AGMO: variants seen among roughly 807,000 people sequenced by gnomAD.
AGMO encodes glyceryl-ether monooxygenase.
Under a neutral mutation model 60.2 loss-of-function variants are expected in AGMO, and 75 were observed. The observed-to-expected ratio is 1.25, with a 90% CI of 1.03 to 1.51. The LOEUF is 1.51. Ranked by LOEUF, AGMO falls within the 40% of genes most tolerant of loss-of-function variation. The probability of loss-of-function intolerance (pLI) is 0.00; values close to 1 mark genes in which losing one functional copy is unlikely to be tolerated. For missense variants in AGMO, 763 were observed against 525.5 expected (o/e 1.45, Z -4.42); for synonymous variants, 261 against 177.1 (o/e 1.47, Z -3.76).
chr7:15,423,617 G>C (rs1335718165), intron 4 of AGMO, among the ~76,000 whole-genome samples: 1 of 152,196 alleles, frequency 6.6e-6, no homozygotes, highest in African/African-American at 2.4e-5. Context: ...AGGTAATCAA[G>C]TTAAAATGAG....
Position 15,234,172 on chromosome 7 carries a change from G to A in AGMO, c.1264-32813C>T, listed in dbSNP as rs748825513. Among the ~76,000 whole-genome samples, 184 of 152,126 alleles carry A rather than the reference G, an allele frequency of 1.2e-3. 1 individual carries two copies. The highest frequency in any genetic ancestry group is 5.0e-4 in the Non-Finnish European group (34 of 68,028). On this transcript the variant is annotated intron_variant, in intron 12 of 12. Transcript: ENST00000342526. The stretch of plus-strand genomic sequence containing the variant: ...TTAAATATAGTCCTTCCATCCACTT[G>A]CTTTCTGACCACAAGTAAATTTATG...
At chr7:15,197,367 T>C (rs1475785398), downstream of AGMO, among the ~76,000 whole-genome samples, 2 of 152,150 alleles carry the variant, frequency 1.3e-5, no homozygotes, top group Non-Finnish European at 2.9e-5. Context: ...ATATAATCAC[T>C]AGTAAAAATG....
At chr7:15,436,700 C>G (rs1781413446) in intron 3 of AGMO, among the ~76,000 whole-genome samples, 1 of 152,038 alleles carries the variant, frequency 6.6e-6, no homozygotes, top group Non-Finnish European at 1.5e-5. Context: ...ACATGTTTCT[C>G]ATTGTTCTCT....
intron 12 of AGMO, among the ~76,000 whole-genome samples, chr7:15,327,946 A>AAT (rs1781394650): frequency 6.7e-6 from 1 of 148,156 alleles, no homozygotes; most frequent in Non-Finnish European, 1.5e-5. Flanking sequence ...AAAAAAAAAA[A>AAT]TTTTTTTTTG....
downstream of AGMO, among the ~76,000 whole-genome samples, chr7:15,197,837 C>T (rs2115459251): frequency 6.6e-6 from 1 of 152,236 alleles, no homozygotes; most frequent in Non-Finnish European, 1.5e-5. Context: ...TAAAGGCTTG[C>T]CTTATTCAGA....
At chr7:15,437,732 G>A (rs577557769) in intron 3 of AGMO, among the ~76,000 whole-genome samples, 1 of 152,140 alleles carries the variant, frequency 6.6e-6, no homozygotes, top group Non-Finnish European at 1.5e-5. Flanking sequence ...AGTAGAGACG[G>A]GGTTTCACCG....
chr7:15,255,666 G>C (rs1783076098), intron 12 of AGMO, among the ~76,000 whole-genome samples: 1 of 151,996 alleles, frequency 6.6e-6, no homozygotes, highest in Admixed American at 6.5e-5. Flanking sequence ...TCTTCATAAT[G>C]ATCAAATTTT....
downstream of AGMO, among the ~76,000 whole-genome samples, chr7:15,198,246 A>AGAGAGG (rs1781182273): frequency 1.1e-5 from 1 of 90,854 alleles, no homozygotes; most frequent in Non-Finnish European, 2.0e-5. Flanking sequence ...AGAGAGAGAG[A>AGAGAGG]GAGAGAGAGA....
chr7:15,274,121 T>C (rs1264733385), intron 12 of AGMO, among the ~76,000 whole-genome samples: 1 of 152,328 alleles, frequency 6.6e-6, no homozygotes, highest in South Asian at 2.1e-4. Flanking sequence ...TATTTCCTTC[T>C]CCTGCCTGAT....
At chr7:15,120,519 G>T in the AGMO span, among the ~76,000 whole-genome samples, 2 of 152,088 alleles carry the variant, frequency 1.3e-5, no homozygotes, top group African/African-American at 2.4e-5. Flanking sequence ...CTCCATGATA[G>T]GATTAGTGTC....
chr7:15,426,616 G>A (rs1398559104), intron 4 of AGMO, among the ~76,000 whole-genome samples: 1 of 152,066 alleles, frequency 6.6e-6, no homozygotes, highest in Non-Finnish European at 1.5e-5. Flanking sequence ...GGGCGTGGTG[G>A]TGCCCACCTG....
At chr7:15,267,569 C>A (rs1783470482) in intron 12 of AGMO, among the ~76,000 whole-genome samples, 2 of 152,034 alleles carry the variant, frequency 1.3e-5, no homozygotes, top group African/African-American at 4.8e-5. Context: ...CTGGTCTGAA[C>A]AACAGTTCAC....
the AGMO span, among the ~76,000 whole-genome samples, chr7:15,175,837 TG>T: frequency 6.6e-6 from 1 of 151,938 alleles, no homozygotes; most frequent in East Asian, 1.9e-4. Flanking sequence ...TGAAGAAAAT[TG>T]AAAATTGAGA....
At chr7:15,457,325 C>A (rs1448237420) in intron 3 of AGMO, among the ~76,000 whole-genome samples, 1 of 152,092 alleles carries the variant, frequency 6.6e-6, no homozygotes. Context: ...AACAATGATT[C>A]AAAGCTATCC....
intron 5 of AGMO, among the ~76,000 whole-genome samples, chr7:15,397,573 C>T (rs1305436585): frequency 3.9e-5 from 6 of 152,214 alleles, no homozygotes; most frequent in Non-Finnish European, 8.8e-5. Context: ...ACCTACCTTA[C>T]TTTCCTCCTT....
chr7:15,182,117 C>T, the AGMO span, among the ~76,000 whole-genome samples: 1 of 152,066 alleles, frequency 6.6e-6, no homozygotes, highest in Non-Finnish European at 1.5e-5. Flanking sequence ...AAAAATATTA[C>T]ATAATTCCAC....
At chr7:15,304,821 T>G (rs1376790541) in intron 12 of AGMO, among the ~76,000 whole-genome samples, 1 of 152,042 alleles carries the variant, frequency 6.6e-6, no homozygotes, top group African/African-American at 2.4e-5. Context: ...CACCATCATA[T>G]ATTCTCATGA....
intron 5 of AGMO, among the ~76,000 whole-genome samples, chr7:15,401,201 A>G (rs576904359): frequency 2.0e-5 from 3 of 152,264 alleles, no homozygotes; most frequent in African/African-American, 7.2e-5. Context: ...AAAATACTTT[A>G]GAGTTGAATT....
At chr7:15,234,143 G>T (rs1782345947) in intron 12 of AGMO, among the ~76,000 whole-genome samples, 2 of 152,150 alleles carry the variant, frequency 1.3e-5, no homozygotes, top group African/African-American at 2.4e-5. Context: ...TTCCGAAAAT[G>T]AGATTAAATA....
Sources: gnomAD v4.1 joint callset for allele counts (sites outside exome capture counted in the v4.1 genomes callset) on GRCh38, gnomAD v4.1.1 for gene constraint, MANE v1.5 for transcripts, NCBI Gene and HGNC (gene_info 2026-07-23, HGNC 2026-07-21) for gene names.